NOL4: variants seen among roughly 807,000 people sequenced by gnomAD.
NOL4 encodes the protein cancer/testis antigen 125.
NOL4 carries 17 observed loss-of-function variants against 75.9 expected under a neutral mutation model. The ratio of observed to expected loss-of-function variants is 0.22; its 90% CI spans 0.15 to 0.34. The LOEUF is 0.34. NOL4 is among the 10% of genes least tolerant of loss of function. NOL4 has a pLI of 1.00. For missense variants in NOL4, 614 were observed against 793.5 expected (o/e 0.77, Z 2.72); for synonymous variants, 292 against 289.9 (o/e 1.01, Z -0.07).
intron 2 of NOL4, among the ~76,000 whole-genome samples, chr18:34,121,846 G>A (rs2145845010): frequency 6.6e-6 from 1 of 152,256 alleles, no homozygotes; most frequent in Non-Finnish European, 1.5e-5. Context: ...GGTTATTACA[G>A]TATCTGGGGT....
intron 1 of NOL4, among the ~76,000 whole-genome samples, chr18:34,140,673 AT>A (rs1568385942): frequency 6.6e-6 from 1 of 152,140 alleles, no homozygotes; most frequent in Non-Finnish European, 1.5e-5. Context: ...CATTTAGCCC[AT>A]TTACATTTAA....
At chr18:34,026,752 T>C (rs1342555361) in intron 5 of NOL4, among the ~76,000 whole-genome samples, 3 of 152,230 alleles carry the variant, frequency 2.0e-5, no homozygotes, top group Non-Finnish European at 4.4e-5. Context: ...CCCAGTTCCC[T>C]TTACTGTTTC....
chr18:34,184,546 G>A (rs547250113), intron 1 of NOL4, among the ~76,000 whole-genome samples: 2 of 152,208 alleles, frequency 1.3e-5, no homozygotes, highest in African/African-American at 4.8e-5. Flanking sequence ...TGGAAAAGGA[G>A]TCAAGGAAGG....
chr18:34,045,472 C>T (rs1568267033), intron 5 of NOL4, among the ~76,000 whole-genome samples: 1 of 152,118 alleles, frequency 6.6e-6, no homozygotes, highest in Non-Finnish European at 1.5e-5. Context: ...TGCCCATTGA[C>T]CCCTATCTGC....
intron 1 of NOL4, among the ~76,000 whole-genome samples, chr18:34,176,239 G>A (rs1216122730): frequency 6.6e-6 from 1 of 151,986 alleles, no homozygotes; most frequent in African/African-American, 2.4e-5. Flanking sequence ...ACACGAAGAA[G>A]GAAGTATCAA....
chr18:34,149,803 C>T (rs371011862), intron 1 of NOL4, among the ~76,000 whole-genome samples: 13 of 151,532 alleles, frequency 8.6e-5, no homozygotes, highest in African/African-American at 2.4e-4. Flanking sequence ...AGAGAAAATG[C>T]TTAGTGATCA....
chr18:34,025,942 A>G (rs907602900), intron 5 of NOL4, among the ~76,000 whole-genome samples: 4 of 152,076 alleles, frequency 2.6e-5, no homozygotes, highest in East Asian at 1.9e-4. Context: ...TCTTCTCCCT[A>G]TGGTAATGGG....
At position 34,214,480 on chromosome 18, in the gene NOL4, G is replaced by A. The variant is rs1329045483; in HGVS notation, c.264+8510C>T. Among the ~76,000 whole-genome samples, 4 of 152,238 alleles carry A rather than the reference G, an allele frequency of 2.6e-5. No homozygotes were observed. The East Asian group carries it at 7.7e-4, about 29-fold the overall frequency. On this transcript the variant is annotated intron_variant, in intron 1 of 10. Coordinates refer to ENST00000261592, the MANE Select transcript of NOL4 (RefSeq NM_003787.5). ...TCCAAATGGTTTCTTGTCCCAAGCTGTGTGATTTTTAGAAATTCACCTTAA... is the reference window on the plus strand; with the variant it reads ...TCCAAATGGTTTCTTGTCCCAAGCTATGTGATTTTTAGAAATTCACCTTAA...
intron 1 of NOL4, among the ~76,000 whole-genome samples, chr18:34,181,024 T>C (rs998984061): frequency 2.6e-5 from 4 of 151,480 alleles, no homozygotes; most frequent in Admixed American, 1.3e-4. Flanking sequence ...ACAAAATCCC[T>C]ATCAAAATTC....
At position 34,019,304 on chromosome 18, in the gene NOL4, T is replaced by C. The variant is rs1314437978; in HGVS notation, c.1056+14A>G. On this transcript the variant is annotated intron_variant, in intron 6 of 10. Transcript: ENST00000261592. ...ACCAACTCAAAAATTCTGGAAATTG[T>C]AATGTGATCATACCTTGCTTCCATT... 1.9e-6 allele frequency: 3 copies of C among 1,605,730 alleles called. No homozygotes were observed. The highest frequency in any genetic ancestry group is 4.5e-5 in the East Asian group (2 of 44,662).
intron 5 of NOL4, among the ~76,000 whole-genome samples, chr18:34,045,543 G>A (rs3903381): frequency 0.46 from 69,351 of 151,872 alleles, 16,007 homozygotes; most frequent in South Asian, 0.52. Flanking sequence ...TCTTTCTACA[G>A]TCTAATTTCA....
At chr18:34,089,967 CT>C (rs1188509027) in intron 5 of NOL4, among the ~76,000 whole-genome samples, 1 of 151,814 alleles carries the variant, frequency 6.6e-6, no homozygotes, top group East Asian at 1.9e-4. Context: ...ACACACACCC[CT>C]AATATAGGAA....
At chr18:34,118,370 A>G (rs774419772) in intron 2 of NOL4, among the ~76,000 whole-genome samples, 1 of 152,176 alleles carries the variant, frequency 6.6e-6, no homozygotes, top group Non-Finnish European at 1.5e-5. Context: ...TAGATTTGAG[A>G]AAATTTGTAT....
chr18:33,967,462 G>T (rs1021688406), intron 6 of NOL4, among the ~76,000 whole-genome samples: 1 of 152,116 alleles, frequency 6.6e-6, no homozygotes, highest in Non-Finnish European at 1.5e-5. Flanking sequence ...AACAAAAATT[G>T]ACAAGTGGGA....
At chr18:34,195,016 G>A (rs1204093561) in intron 1 of NOL4, among the ~76,000 whole-genome samples, 2 of 139,640 alleles carry the variant, frequency 1.4e-5, no homozygotes, top group Non-Finnish European at 3.1e-5. Context: ...AAACAAGAGC[G>A]AAACTCCGTC....
intron 1 of NOL4, among the ~76,000 whole-genome samples, chr18:34,168,637 T>C (rs1568415265): frequency 6.6e-6 from 1 of 151,538 alleles, no homozygotes; most frequent in African/African-American, 2.4e-5. Context: ...CTATTGTCCA[T>C]GTTCTGGAGT....
chr18:33,909,116 T>C (rs115263933), intron 9 of NOL4, among the ~76,000 whole-genome samples: 2,171 of 152,280 alleles, frequency 0.014, 52 homozygotes, highest in African/African-American at 0.049. Context: ...CTCAAAAATA[T>C]GCACATATGC....
intron 2 of NOL4, among the ~76,000 whole-genome samples, chr18:34,111,163 A>G (rs1332510221): frequency 6.6e-6 from 1 of 152,178 alleles, no homozygotes; most frequent in African/African-American, 2.4e-5. Flanking sequence ...AAATGGATTA[A>G]AGACTTAAAT....
At chr18:34,197,811 T>C (rs185014938) in intron 1 of NOL4, among the ~76,000 whole-genome samples, 1 of 151,838 alleles carries the variant, frequency 6.6e-6, no homozygotes, top group Non-Finnish European at 1.5e-5. Flanking sequence ...GACAGATCAA[T>C]AGATCTATCA....
Sources: gnomAD v4.1 joint callset for allele counts (sites outside exome capture counted in the v4.1 genomes callset) on GRCh38, gnomAD v4.1.1 for gene constraint, MANE v1.5 for transcripts, NCBI Gene and HGNC (gene_info 2026-07-23, HGNC 2026-07-21) for gene names.